TMEM170B: variants seen among roughly 807,000 people sequenced by gnomAD.
TMEM170B encodes transmembrane protein 170B.
In TMEM170B, 6 loss-of-function variants were observed where a neutral mutation model predicts 13.0. The observed-to-expected ratio is 0.46, with a 90% CI of 0.25 to 0.91. The LOEUF (loss-of-function observed/expected upper bound fraction) is 0.91, where lower values mean the gene tolerates loss of function less well. TMEM170B is among the 40% of genes least tolerant of loss of function. The probability of loss-of-function intolerance (pLI) is 0.17; values close to 1 mark genes in which losing one functional copy is unlikely to be tolerated. For missense variants in TMEM170B, 138 were observed against 165.2 expected (o/e 0.84, Z 0.90); for synonymous variants, 61 against 64.9 (o/e 0.94, Z 0.29).
In TMEM170B at chr6:11,579,540, A is replaced by G. The variant is rs1759924009; in HGVS notation, c.*3979A>G. On this transcript the variant is annotated 3_prime_UTR_variant, in exon 3 of 3. Transcript: ENST00000379426. Reference sequence around the variant, plus strand: ...TTTCATTTCTATATTTTCCTTACATATGCTTTAGGAAAGAAACTAAAAACG... The same window carrying G: ...TTTCATTTCTATATTTTCCTTACATGTGCTTTAGGAAAGAAACTAAAAACG... 6.6e-6 allele frequency: 1 copy of G among 152,188 alleles called. No homozygotes were observed. Among genetic ancestry groups the G allele is most frequent in the Admixed American group, 6.5e-5 (1 of 15,278 alleles). 9.4% of individuals were successfully genotyped at this position (152,188 alleles called of 1,614,324 possible).
intron 2 of TMEM170B, 64 bp downstream of exon 2, chr6:11,565,900 G>T: frequency 2.0e-6 from 3 of 1,488,128 alleles, no homozygotes; most frequent in Non-Finnish European, 2.8e-6. Context: ...TGGTAGCTGT[G>T]TTCTTATTAT....
chr6:11,547,919 A>G (rs1413629753), intron 1 of TMEM170B, among the ~76,000 whole-genome samples: 1 of 152,170 alleles, frequency 6.6e-6, no homozygotes, highest in Non-Finnish European at 1.5e-5. Flanking sequence ...GTTTGAAAGG[A>G]AGGTCTAAGA....
In TMEM170B at chr6:11,581,703, C is replaced by G. The variant is rs1759959787; in HGVS notation, c.*6142C>G. On this transcript the variant is annotated 3_prime_UTR_variant, in exon 3 of 3. Coordinates refer to ENST00000379426, the MANE Select transcript of TMEM170B (RefSeq NM_001100829.3). ...CTGTCTTGCTGAATTAAGCAGAAAT[C>G]ACTTTTTTTAGAGCCTTGTTTAAAG... 2 of 152,170 alleles carry G rather than the reference C, an allele frequency of 1.3e-5. No individual in the cohort carries two copies. The highest frequency in any genetic ancestry group is 2.1e-4 in the South Asian group (1 of 4,834). The allele number at this position is 152,170 out of a possible 1,614,324, so 9.4% of individuals were successfully genotyped here. A position where few individuals can be genotyped will look rare whatever the true frequency, so the allele number is the denominator to read the frequency against.
chr6:11,547,209 TGTCA>T (rs1021972048), intron 1 of TMEM170B, among the ~76,000 whole-genome samples: 8 of 152,204 alleles, frequency 5.3e-5, no homozygotes, highest in African/African-American at 1.2e-4. Flanking sequence ...CAATATTTAG[TGTCA>T]GTCAAAGAAA....
chr6:11,573,373 AT>A (rs1181685523), intron 2 of TMEM170B, among the ~76,000 whole-genome samples: 1 of 152,114 alleles, frequency 6.6e-6, no homozygotes, highest in Non-Finnish European at 1.5e-5. Flanking sequence ...TGAATCACTG[AT>A]TGGAATTATC....
rs549057441 is a variant in TMEM170B at position 11,538,054 on chromosome 6, A to G, written c.-224A>G. On this transcript the variant is annotated 5_prime_UTR_variant, in exon 1 of 3. Coordinates refer to ENST00000379426, the MANE Select transcript of TMEM170B (RefSeq NM_001100829.3). The stretch of plus-strand genomic sequence containing the variant: ...CCTCCTTCCTCCGTCCGCCGTCCTC[A>G]ATGTCTCCCCGGCGGGGAGGGGGCT... 4.6e-4 allele frequency among the ~76,000 whole-genome samples: 69 copies of G among 150,628 alleles called. No individual in the cohort carries two copies. Among genetic ancestry groups the G allele is most frequent in the African/African-American group, 1.5e-3 (61 of 41,148 alleles).
At position 11,579,809 on chromosome 6, in the gene TMEM170B, C is replaced by T. The variant is rs1759927910; in HGVS notation, c.*4248C>T. On this transcript the variant is annotated 3_prime_UTR_variant, in exon 3 of 3. Coordinates refer to ENST00000379426, the MANE Select transcript of TMEM170B (RefSeq NM_001100829.3). ...GCCATGTTGATTTATTGACTTTCTG[C>T]TATTTGCTAATTATTCTTCTTGAAA... The T allele has an allele frequency of 6.6e-6, 1 of 152,190 alleles. No homozygotes were observed. Among genetic ancestry groups the T allele is most frequent in the Non-Finnish European group, 1.5e-5 (1 of 68,048 alleles). The allele number at this position is 152,190 out of a possible 1,614,324, so 9.4% of individuals were successfully genotyped here.
At chr6:11,558,628 C>T (rs1386956840) in intron 1 of TMEM170B, among the ~76,000 whole-genome samples, 5 of 152,144 alleles carry the variant, frequency 3.3e-5, no homozygotes, top group Admixed American at 1.3e-4. Context: ...CCACTCTTAT[C>T]GCACCTCCAA....
intron 1 of TMEM170B, among the ~76,000 whole-genome samples, chr6:11,563,839 C>T (rs144480180): frequency 2.0e-5 from 3 of 152,140 alleles, no homozygotes; most frequent in Non-Finnish European, 2.9e-5. Flanking sequence ...GCGTGGTGGC[C>T]CACATGTGTA....
At chr6:11,546,658 C>T (rs973263719) in intron 1 of TMEM170B, among the ~76,000 whole-genome samples, 7 of 152,152 alleles carry the variant, frequency 4.6e-5, no homozygotes, top group African/African-American at 1.4e-4. Context: ...ACAAATACTT[C>T]CCATTGTGTT....
chr6:11,555,813 T>C (rs555296648), intron 1 of TMEM170B, among the ~76,000 whole-genome samples: 1 of 152,376 alleles, frequency 6.6e-6, no homozygotes, highest in Admixed American at 6.5e-5. Flanking sequence ...TTGTTTTTCC[T>C]GTTTTTGAGT....
chr6:11,557,644 T>G (rs1759608303), intron 1 of TMEM170B, among the ~76,000 whole-genome samples: 1 of 152,266 alleles, frequency 6.6e-6, no homozygotes, highest in Non-Finnish European at 1.5e-5. Flanking sequence ...TGCTTGCTTC[T>G]CACCAGTGTT....
rs1561693353 is a variant in TMEM170B at position 11,583,475 on chromosome 6, A to T, written c.*7914A>T. The T allele has an allele frequency of 6.6e-6, 1 of 152,182 alleles. No individual in the cohort carries two copies. The highest frequency in any genetic ancestry group is 2.4e-5 in the African/African-American group (1 of 41,456). The allele number at this position is 152,182 out of a possible 1,614,324, so 9.4% of individuals were successfully genotyped here. A position where few individuals can be genotyped will look rare whatever the true frequency, so the allele number is the denominator to read the frequency against. On this transcript the variant is annotated 3_prime_UTR_variant, in exon 3 of 3. Transcript: ENST00000379426. The stretch of plus-strand genomic sequence containing the variant: ...TACAGTATTTTAATAAAGTTTCTGT[A>T]TTCAATTTCATGCACTTATATATAA...
At position 11,576,210 on chromosome 6, in the gene TMEM170B, A is replaced by G. The variant is rs1179203269; in HGVS notation, c.*649A>G. The G allele has an allele frequency of 6.6e-6, 1 of 152,262 alleles. No individual in the cohort carries two copies. The highest frequency in any genetic ancestry group is 1.9e-4 in the East Asian group (1 of 5,204). 9.4% of individuals were successfully genotyped at this position (152,262 alleles called of 1,614,324 possible). A position where few individuals can be genotyped will look rare whatever the true frequency, so the allele number is the denominator to read the frequency against. Reference sequence around the variant, plus strand: ...ACTGAAGACTAGCTCAACTGTTTTAAGAACTCAGAGTAGCTCTATAGGGTG... The same window carrying G: ...ACTGAAGACTAGCTCAACTGTTTTAGGAACTCAGAGTAGCTCTATAGGGTG... On this transcript the variant is annotated 3_prime_UTR_variant, in exon 3 of 3. Transcript: ENST00000379426.
At chr6:11,560,855 T>C (rs1759654872) in intron 1 of TMEM170B, among the ~76,000 whole-genome samples, 1 of 152,206 alleles carries the variant, frequency 6.6e-6, no homozygotes, top group African/African-American at 2.4e-5. Flanking sequence ...TTTTTAGACA[T>C]CTAGAGAAAT....
intron 2 of TMEM170B, among the ~76,000 whole-genome samples, chr6:11,568,143 G>C (rs768154335): frequency 1.3e-5 from 2 of 152,142 alleles, no homozygotes; most frequent in Non-Finnish European, 2.9e-5. Flanking sequence ...GGGATAGGGA[G>C]AGAGAATAAA....
chr6:11,538,194 G>A lies in TMEM170B; in HGVS notation c.-84G>A, dbSNP rs1307142434. On this transcript the variant is annotated 5_prime_UTR_variant, in exon 1 of 3. Coordinates refer to ENST00000379426, the MANE Select transcript of TMEM170B (RefSeq NM_001100829.3). ...AGCGGCGGCGGCCTGGAGGAGCCGC[G>A]CACCCGCCGCCGCCCCCCGAGCCTC... is the stretch of plus-strand genomic sequence containing the variant. 5 of 526,670 alleles carry A rather than the reference G, an allele frequency of 9.5e-6. No homozygotes were observed. The highest frequency in any genetic ancestry group is 6.2e-5 in the African/African-American group (3 of 48,470). The allele number at this position is 526,670 out of a possible 1,614,324, so 32.6% of individuals were successfully genotyped here.
intron 1 of TMEM170B, among the ~76,000 whole-genome samples, chr6:11,552,531 C>T (rs772534425): frequency 4.6e-5 from 7 of 152,150 alleles, no homozygotes; most frequent in Non-Finnish European, 8.8e-5. Flanking sequence ...CAGTCTCTGC[C>T]ATGTGCATGT....
intron 1 of TMEM170B, among the ~76,000 whole-genome samples, chr6:11,545,916 G>C (rs889536635): frequency 1.3e-5 from 2 of 151,022 alleles, no homozygotes; most frequent in African/African-American, 2.4e-5. Flanking sequence ...GGAGGCTGAG[G>C]CAGGAGAATG....
Sources: allele counts gnomAD v4.1 joint callset (sites outside exome capture counted in the v4.1 genomes callset), GRCh38; gene constraint gnomAD v4.1.1; transcripts MANE v1.5; gene names NCBI Gene and HGNC (gene_info 2026-07-23, HGNC 2026-07-21).